Variants in BLTP3A observed in about 807,000 individuals in gnomAD.
BLTP3A encodes bridge-like lipid transfer protein family member 3A.
At chr6:34,867,369 T>C in the BLTP3A span, 3 of 1,614,106 alleles carry the variant, frequency 1.9e-6, 1 homozygote, top group Middle Eastern at 5.0e-4. Flanking sequence ...GAAGACCTCA[T>C]CTTTCACCCG....
At chr6:34,872,678 A>G in the BLTP3A span, 3 of 384,656 alleles carry the variant, frequency 7.8e-6, no homozygotes, top group African/African-American at 6.1e-5. Context: ...TGGCACAAGC[A>G]TCATGTCTTG....
At chr6:34,805,813 T>G in the BLTP3A span, among the ~76,000 whole-genome samples, 6 of 151,922 alleles carry the variant, frequency 3.9e-5, no homozygotes, top group Admixed American at 3.9e-4. Context: ...TATTAAATGT[T>G]AGCTATTATT....
At chr6:34,797,497 C>G in the BLTP3A span, among the ~76,000 whole-genome samples, 16 of 152,290 alleles carry the variant, frequency 1.1e-4, no homozygotes, top group Admixed American at 9.2e-4. Flanking sequence ...GTAGGAGTTC[C>G]AGGCTCAGAG....
the BLTP3A span, among the ~76,000 whole-genome samples, chr6:34,817,381 A>AT: frequency 6.6e-6 from 1 of 152,188 alleles, no homozygotes. Flanking sequence ...TGTAGATTAA[A>AT]TTTTTTAAAG....
the BLTP3A span, among the ~76,000 whole-genome samples, chr6:34,794,496 G>A: frequency 1.3e-5 from 2 of 152,152 alleles, no homozygotes; most frequent in Non-Finnish European, 2.9e-5. Context: ...CTTATCTCCG[G>A]AAAAATTCAT....
chr6:34,823,902 G>A, the BLTP3A span, among the ~76,000 whole-genome samples: 1 of 151,580 alleles, frequency 6.6e-6, no homozygotes, highest in Admixed American at 6.6e-5. Flanking sequence ...GGACACTATA[G>A]TACTTGAAAG....
the BLTP3A span, among the ~76,000 whole-genome samples, chr6:34,798,594 C>CTTTCTTTTTTTTTTTTTTTTTTTTTTTTT: frequency 1.1e-5 from 1 of 94,498 alleles, no homozygotes; most frequent in Non-Finnish European, 2.0e-5. Flanking sequence ...TTCTTTCTTT[C>CTTTCTTTTTTTTTTTTTTTTTTTTTTTTT]TTTTTTTTTT....
At chr6:34,866,287 C>G in the BLTP3A span, among the ~76,000 whole-genome samples, 2 of 151,954 alleles carry the variant, frequency 1.3e-5, no homozygotes, top group South Asian at 4.1e-4. Flanking sequence ...GCCTGTAATC[C>G]CAGCTACTCA....
chr6:34,820,814 ATTTTTTTT>A, the BLTP3A span, among the ~76,000 whole-genome samples: 2 of 102,814 alleles, frequency 1.9e-5, no homozygotes, highest in African/African-American at 4.8e-5. Context: ...ACCATGCCTA[ATTTTTTTT>A]TTTTTTTTTT....
the BLTP3A span, chr6:34,834,786 T>C: frequency 3.7e-6 from 6 of 1,614,202 alleles, no homozygotes; most frequent in Non-Finnish European, 4.2e-6. Context: ...CAGACAATGG[T>C]GATCAGGACC....
At chr6:34,810,403 G>A in the BLTP3A span, among the ~76,000 whole-genome samples, 2 of 152,288 alleles carry the variant, frequency 1.3e-5, no homozygotes, top group South Asian at 2.1e-4. Flanking sequence ...CTCATAACAC[G>A]TGAGCTTACT....
the BLTP3A span, chr6:34,863,978 G>GT: frequency 0.012 from 17,618 of 1,460,870 alleles, 32 homozygotes; most frequent in African/African-American, 0.035. Flanking sequence ...CACATTTGTG[G>GT]TTTTTGTTTT....
At chr6:34,808,979 A>G in the BLTP3A span, among the ~76,000 whole-genome samples, 14 of 152,350 alleles carry the variant, frequency 9.2e-5, no homozygotes, top group Admixed American at 7.2e-4. Flanking sequence ...TTAAACATTT[A>G]AGAAATACTT....
chr6:34,827,655 T>G, the BLTP3A span, among the ~76,000 whole-genome samples: 4,097 of 152,184 alleles, frequency 0.027, 194 homozygotes, highest in African/African-American at 0.093. Flanking sequence ...TGAGATGAAG[T>G]TTTTCCGCTC....
the BLTP3A span, among the ~76,000 whole-genome samples, chr6:34,859,816 C>T: frequency 7.8e-3 from 1,186 of 152,272 alleles, 16 homozygotes; most frequent in African/African-American, 0.025. Flanking sequence ...ACCGTGTTAG[C>T]CAGGCTGGTC....
At chr6:34,809,644 C>T in the BLTP3A span, among the ~76,000 whole-genome samples, 1 of 152,072 alleles carries the variant, frequency 6.6e-6, no homozygotes, top group African/African-American at 2.4e-5. Context: ...CAGCTCACTG[C>T]GACCTCTGCC....
the BLTP3A span, chr6:34,856,015 T>C: frequency 2.8e-5 from 24 of 870,196 alleles, no homozygotes; most frequent in East Asian, 2.5e-3. Flanking sequence ...TAGTCAAATA[T>C]GGCAGCAGTC....
chr6:34,858,921 T>C, the BLTP3A span: 29 of 1,614,058 alleles, frequency 1.8e-5, no homozygotes, highest in Non-Finnish European at 2.3e-5. Context: ...TGACTAAGGA[T>C]ACAGAGTCAA....
the BLTP3A span, chr6:34,859,601 C>T: frequency 1.2e-6 from 2 of 1,608,420 alleles, no homozygotes; most frequent in Admixed American, 1.7e-5. Flanking sequence ...CTTCACTCAT[C>T]CCATCTCCTT....
Sources: allele counts gnomAD v4.1 joint callset (sites outside exome capture counted in the v4.1 genomes callset), GRCh38; gene constraint gnomAD v4.1.1; transcripts MANE v1.5; gene names NCBI Gene and HGNC (gene_info 2026-07-23, HGNC 2026-07-21).